FAM169A: variants seen among roughly 807,000 people sequenced by gnomAD.
FAM169A encodes family with sequence similarity 169 member A, also known as soluble lamin-associated protein of 75 kDa.
FAM169A carries 24 observed loss-of-function variants against 75.7 expected under a neutral mutation model. The ratio of observed to expected loss-of-function variants is 0.32; its 90% CI spans 0.23 to 0.45. The LOEUF is 0.45. Among genes scored for constraint, FAM169A ranks in the 20% least tolerant of loss-of-function variants. FAM169A has a pLI of 1.00. For synonymous variants in FAM169A, 271 were observed against 271.0 expected (o/e 1.00, Z 0.00); for missense variants, 673 against 784.0 (o/e 0.86, Z 1.69).
At chr5:74,824,424 T>C (rs930891214) in intron 5 of FAM169A, among the ~76,000 whole-genome samples, 2 of 152,156 alleles carry the variant, frequency 1.3e-5, no homozygotes, top group Non-Finnish European at 2.9e-5. Context: ...CAGTGATTTG[T>C]TTTGTATTAT....
intron 11 of FAM169A, among the ~76,000 whole-genome samples, chr5:74,785,449 A>G (rs1745649618): frequency 6.6e-6 from 1 of 152,204 alleles, no homozygotes; most frequent in Non-Finnish European, 1.5e-5. Context: ...AATTTTCTAC[A>G]ATAAAAGTAC....
At chr5:74,823,721 A>G (rs916675004) in intron 5 of FAM169A, among the ~76,000 whole-genome samples, 7 of 152,172 alleles carry the variant, frequency 4.6e-5, no homozygotes, top group Admixed American at 1.3e-4. Flanking sequence ...TCGTTTCCCA[A>G]TGATACATTT....
At chr5:74,861,272 T>C (rs1343070499) in intron 1 of FAM169A, among the ~76,000 whole-genome samples, 1 of 152,240 alleles carries the variant, frequency 6.6e-6, no homozygotes, top group Non-Finnish European at 1.5e-5. Flanking sequence ...GTTATTCCAC[T>C]TGCTCTTACT....
At chr5:74,846,981 G>A (rs1561322655) in intron 1 of FAM169A, among the ~76,000 whole-genome samples, 1 of 152,136 alleles carries the variant, frequency 6.6e-6, no homozygotes, top group Non-Finnish European at 1.5e-5. Context: ...CTATCCCAGT[G>A]TTGTCCAAAC....
chr5:74,828,374 A>G (rs1748141983), intron 5 of FAM169A, among the ~76,000 whole-genome samples: 1 of 152,178 alleles, frequency 6.6e-6, no homozygotes, highest in Non-Finnish European at 1.5e-5. Context: ...TGGGACTTCC[A>G]GACCTTTTTA....
intron 6 of FAM169A, 114 bp from the exon 7 acceptor site, chr5:74,805,398 C>G (rs2112544433): frequency 1.3e-6 from 1 of 772,292 alleles, no homozygotes; most frequent in East Asian, 2.7e-5. Context: ...AACCTTGATA[C>G]CAAAACACCA....
At chr5:74,794,483 T>G (rs1175623211) in intron 11 of FAM169A, among the ~76,000 whole-genome samples, 2 of 151,082 alleles carry the variant, frequency 1.3e-5, no homozygotes, top group Non-Finnish European at 2.9e-5. Flanking sequence ...TCCCAGCACT[T>G]TGGGAGGCCA....
chr5:74,782,113 A>AG (rs1745442788), intron 12 of FAM169A, 105 bp from the exon 13 acceptor site: 1 of 834,152 alleles, frequency 1.2e-6, no homozygotes, highest in Middle Eastern at 3.6e-4. Context: ...TTAATTCGGT[A>AG]TTCATTACTC....
At chr5:74,839,681 C>T (rs570130455) in intron 3 of FAM169A, among the ~76,000 whole-genome samples, 54 of 152,080 alleles carry the variant, frequency 3.6e-4, no homozygotes, top group African/African-American at 1.2e-3. Flanking sequence ...TGTGCCACCA[C>T]GCCCAGCTAA....
intron 1 of FAM169A, among the ~76,000 whole-genome samples, chr5:74,853,227 C>G (rs753490446): frequency 1.3e-5 from 2 of 152,138 alleles, no homozygotes; most frequent in Non-Finnish European, 2.9e-5. Flanking sequence ...GGATAATAAC[C>G]TCAAAATGTC....
chr5:74,808,391 G>GT (rs1474687731), intron 6 of FAM169A, among the ~76,000 whole-genome samples: 47 of 151,898 alleles, frequency 3.1e-4, no homozygotes, highest in Admixed American at 3.1e-3. Context: ...AATAAATATT[G>GT]TATGATTCCA....
At chr5:74,799,092 C>T (rs1746429310) in intron 10 of FAM169A, 1 of 980,714 alleles carries the variant, frequency 1.0e-6, no homozygotes, top group East Asian at 2.4e-5. Flanking sequence ...ACGAAGTGCA[C>T]ATCTATAAGA....
chr5:74,840,674 CA>C (rs1179537609), intron 2 of FAM169A, among the ~76,000 whole-genome samples: 4 of 151,162 alleles, frequency 2.6e-5, no homozygotes, highest in African/African-American at 9.7e-5. Flanking sequence ...CTAAAAATAT[CA>C]AAAATTAGCC....
intron 5 of FAM169A, among the ~76,000 whole-genome samples, chr5:74,816,101 CTCA>C (rs1747455482): frequency 6.6e-6 from 1 of 152,166 alleles, no homozygotes; most frequent in Admixed American, 6.5e-5. Flanking sequence ...CGGTAACAGT[CTCA>C]TCAACAAGCT....
At chr5:74,818,440 G>C (rs1166663605) in intron 5 of FAM169A, among the ~76,000 whole-genome samples, 2 of 152,124 alleles carry the variant, frequency 1.3e-5, no homozygotes, top group Non-Finnish European at 2.9e-5. Flanking sequence ...GAATTAGATA[G>C]TGGTGATAGC....
chr5:74,820,039 AG>A (rs1747695580), intron 5 of FAM169A, among the ~76,000 whole-genome samples: 1 of 132,090 alleles, frequency 7.6e-6, no homozygotes, highest in East Asian at 2.1e-4. Flanking sequence ...TCTGTTGCCC[AG>A]GCTGGAGTGC....
At chr5:74,793,262 T>A (rs1404905785) in intron 11 of FAM169A, among the ~76,000 whole-genome samples, 2 of 150,848 alleles carry the variant, frequency 1.3e-5, no homozygotes, top group African/African-American at 4.9e-5. Context: ...GAGTTGGAGG[T>A]TGCAGTGAGC....
chr5:74,795,396 A>G (rs1366658497), intron 11 of FAM169A, among the ~76,000 whole-genome samples: 2 of 152,244 alleles, frequency 1.3e-5, no homozygotes, highest in African/African-American at 2.4e-5. Flanking sequence ...TGGAAAGGAA[A>G]AGATTGAAGA....
intron 11 of FAM169A, among the ~76,000 whole-genome samples, chr5:74,790,216 G>C (rs1177426690): frequency 2.0e-5 from 3 of 152,186 alleles, no homozygotes; most frequent in Non-Finnish European, 2.9e-5. Context: ...GAGAAGACTA[G>C]GGACTGGTTC....
Sources: gnomAD v4.1 joint callset for allele counts (sites outside exome capture counted in the v4.1 genomes callset) on GRCh38, gnomAD v4.1.1 for gene constraint, MANE v1.5 for transcripts, NCBI Gene and HGNC (gene_info 2026-07-23, HGNC 2026-07-21) for gene names.